Variants in NBPF9 observed in about 807,000 individuals in gnomAD.
The protein encoded by NBPF9 is NBPF member 9.
In NBPF9, 91 loss-of-function variants were observed where a neutral mutation model predicts 97.8. The observed-to-expected ratio is 0.93, with a 90% CI of 0.79 to 1.11. The LOEUF (loss-of-function observed/expected upper bound fraction) is 1.11. Among genes scored for constraint, NBPF9 ranks in the 50% least tolerant of loss-of-function variants. NBPF9 has a pLI of 0.00. For synonymous variants in NBPF9, 334 were observed against 359.5 expected (o/e 0.93, Z 0.80); for missense variants, 992 against 939.5 (o/e 1.06, Z -0.73).
chr1:149,055,384 C>A (rs2078136418), exon 30 of NBPF9: 1 of 630,608 alleles, frequency 1.6e-6, no homozygotes, highest in South Asian at 2.1e-5. Context: ...TTTGTAGCTA[C>A]CCAGAGATAC....
chr1:149,081,707 G>A (rs1178693332), intron 7 of NBPF9, among the ~76,000 whole-genome samples: 9 of 138,618 alleles, frequency 6.5e-5, no homozygotes, highest in East Asian at 4.1e-4. Flanking sequence ...AAAACAGGTC[G>A]TTCTGTGCCT....
At chr1:149,082,170 A>G in exon 7 of NBPF9, 3 of 1,612,058 alleles carry the variant, frequency 1.9e-6, no homozygotes, top group Non-Finnish European at 2.5e-6. Context: ...AGGTGGGGCC[A>G]GGGACTGGGG....
intron 5 of NBPF9, among the ~76,000 whole-genome samples, chr1:149,087,916 G>A (rs797024473): frequency 1.9e-5 from 2 of 103,126 alleles, no homozygotes; most frequent in South Asian, 3.5e-4. Context: ...CACTGTAACC[G>A]CTGCCTCCCA....
At chr1:149,072,683 G>C (rs782631752) in intron 14 of NBPF9, 35 bp downstream of exon 14, 12 of 1,609,648 alleles carry the variant, frequency 7.5e-6, no homozygotes, top group Non-Finnish European at 1.0e-5. Context: ...CATAAGCCTG[G>C]GGTTTTGGGT....
At chr1:149,078,741 T>C (rs1202112276) in intron 9 of NBPF9, among the ~76,000 whole-genome samples, 2,478 of 138,114 alleles carry the variant, frequency 0.018, 79 homozygotes, top group African/African-American at 0.063. Flanking sequence ...ACAGCCTCCT[T>C]CCTGTCCTTT....
chr1:149,071,267 A>G, intron 15 of NBPF9, 128 bp from the exon 16 acceptor site: 1 of 1,369,310 alleles, frequency 7.3e-7, no homozygotes, highest in Non-Finnish European at 1.0e-6. Context: ...GGAGGTTCCC[A>G]TTAAGAGGGA....
chr1:149,081,644 G>T, intron 7 of NBPF9, among the ~76,000 whole-genome samples: 1 of 149,066 alleles, frequency 6.7e-6, no homozygotes. Flanking sequence ...TTGTCTGCAG[G>T]ATCTTATAAG....
intron 14 of NBPF9, 63 bp downstream of exon 14, chr1:149,072,655 T>C (rs587621139): frequency 5.2e-6 from 8 of 1,539,302 alleles, no homozygotes; most frequent in South Asian, 3.4e-5. Context: ...TGTGAAAGTA[T>C]GGAGGTCTGG....
chr1:149,079,557 G>A (rs2152905954), intron 8 of NBPF9, among the ~76,000 whole-genome samples: 1 of 148,638 alleles, frequency 6.7e-6, no homozygotes, highest in South Asian at 2.2e-4. Context: ...AATACACATA[G>A]TGCATCTTGC....
chr1:149,081,937 T>G lies in NBPF9; in HGVS notation c.175+28A>C. 3 of 1,495,356 alleles carry G rather than the reference T, an allele frequency of 2.0e-6. No homozygotes were observed. The East Asian group carries it at 6.8e-5, about 34-fold the overall frequency. 92.6% of individuals were successfully genotyped at this position (1,495,356 alleles called of 1,614,324 possible). On this transcript the variant is annotated intron_variant, in intron 7 of 29. Transcript: ENST00000584027. Reference sequence around the variant, plus strand: ...AGAAGACAGGACATCATTCATCACTTTCATGACGGTGAGCCTATAGATCTT... The same window carrying G: ...AGAAGACAGGACATCATTCATCACTGTCATGACGGTGAGCCTATAGATCTT...
At chr1:149,075,430 AG>A (rs2079775276) in intron 12 of NBPF9, among the ~76,000 whole-genome samples, 1 of 152,230 alleles carries the variant, frequency 6.6e-6, no homozygotes, top group South Asian at 2.1e-4. Flanking sequence ...AATAAATGGC[AG>A]TTTAACTCTA....
intron 20 of NBPF9, 79 bp downstream of exon 20, chr1:149,063,554 A>C: frequency 1.4e-6 from 1 of 693,462 alleles, no homozygotes; most frequent in Non-Finnish European, 2.6e-6. Context: ...TCAGCTCAGT[A>C]ACGGCCACTT....
At chr1:149,094,244 G>T (rs1287934864) in intron 4 of NBPF9, among the ~76,000 whole-genome samples, 3 of 136,542 alleles carry the variant, frequency 2.2e-5, no homozygotes, top group Non-Finnish European at 3.1e-5. Context: ...TCCTTTTCTT[G>T]TGCTCACCAG....
chr1:149,064,696 A>G (rs1553651232), intron 18 of NBPF9: 1 of 614,848 alleles, frequency 1.6e-6, no homozygotes, highest in East Asian at 2.8e-5. Context: ...CCTGTGTTGG[A>G]ATGTTATCTT....
intron 5 of NBPF9, chr1:149,090,512 T>C (rs2081346929): frequency 7.8e-6 from 3 of 385,406 alleles, no homozygotes; most frequent in African/African-American, 6.3e-5. Context: ...GGCAATATTT[T>C]GCAATAAAAC....
intron 29 of NBPF9, 151 bp from the exon 30 acceptor site, chr1:149,056,050 G>C (rs1372635466): frequency 6.6e-7 from 1 of 1,519,190 alleles, no homozygotes; most frequent in Admixed American, 2.0e-5. Context: ...TTGCCTTTAT[G>C]TTGGGATAGA....
At chr1:149,062,707 C>T (rs1553650413) in intron 21 of NBPF9, among the ~76,000 whole-genome samples, 155 bp downstream of exon 21, 3 of 151,726 alleles carry the variant, frequency 2.0e-5, no homozygotes, top group Admixed American at 6.6e-5. Context: ...AAATGGAAAC[C>T]TAAACATCTA....
chr1:149,082,368 C>A lies in NBPF9; in HGVS notation c.-132G>T, dbSNP rs1307330397. ...GTGCCTCAACTCAGAGCTGAAAGCACTGCCAGTAGCTCAGACTCTGATAAG... is the reference window on the plus strand; with the variant it reads ...GTGCCTCAACTCAGAGCTGAAAGCAATGCCAGTAGCTCAGACTCTGATAAG... On this transcript the variant is annotated 5_prime_UTR_variant, in exon 6 of 30. Transcript: ENST00000584027. 1,395 of 1,490,154 alleles carry A rather than the reference C, an allele frequency of 9.4e-4. 9 individuals carry two copies. Among genetic ancestry groups the A allele is most frequent in the Non-Finnish European group, 1.1e-3 (1,258 of 1,114,602 alleles). The allele number at this position is 1,490,154 out of a possible 1,614,324, so 92.3% of individuals were successfully genotyped here. A position where few individuals can be genotyped will look rare whatever the true frequency, so the allele number is the denominator to read the frequency against.
chr1:149,088,125 CCA>C (rs1442163624), intron 5 of NBPF9, among the ~76,000 whole-genome samples: 1 of 152,246 alleles, frequency 6.6e-6, no homozygotes, highest in African/African-American at 2.4e-5. Flanking sequence ...GCCACGGTGC[CCA>C]GTCTGTTGAA....
Sources: gnomAD v4.1 joint callset for allele counts (sites outside exome capture counted in the v4.1 genomes callset) on GRCh38, gnomAD v4.1.1 for gene constraint, MANE v1.5 for transcripts, NCBI Gene and HGNC (gene_info 2026-07-23, HGNC 2026-07-21) for gene names.